The following MAN1A2 variants were observed in gnomAD, a reference collection of about 807,000 sequenced individuals.
MAN1A2 encodes the protein mannosidase alpha class 1A member 2.
MAN1A2 carries 26 observed loss-of-function variants against 75.7 expected under a neutral mutation model. The ratio of observed to expected loss-of-function variants is 0.34; its 90% CI spans 0.25 to 0.48. MAN1A2 has a LOEUF of 0.48. MAN1A2 is among the 20% of genes least tolerant of loss of function. MAN1A2 has a pLI of 0.99. For missense variants in MAN1A2, 562 were observed against 775.5 expected, an observed-to-expected ratio of 0.72 and a Z score of 3.27; for synonymous variants, 247 against 264.6, an observed-to-expected ratio of 0.93 and a Z score of 0.65.
At chr1:117,483,916 C>A (rs34368125) in intron 8 of MAN1A2, among the ~76,000 whole-genome samples, 29,461 of 151,812 alleles carry the variant, frequency 0.19, 3,653 homozygotes, top group East Asian at 0.4. Flanking sequence ...TCCATCAATA[C>A]CTAGTTTATC....
At chr1:117,466,661 CTAAAA>C (rs1649992352) in intron 8 of MAN1A2, among the ~76,000 whole-genome samples, 1 of 151,962 alleles carries the variant, frequency 6.6e-6, no homozygotes, top group African/African-American at 2.4e-5. Context: ...TCCTGTATTG[CTAAAA>C]TATAGTGTGG....
chr1:117,435,013 G>C (rs1648804672), intron 5 of MAN1A2, among the ~76,000 whole-genome samples: 1 of 151,972 alleles, frequency 6.6e-6, no homozygotes, highest in Non-Finnish European at 1.5e-5. Context: ...TGGTACGATA[G>C]TTATTAAATA....
At chr1:117,488,187 C>G (rs963860906) in intron 8 of MAN1A2, among the ~76,000 whole-genome samples, 2 of 150,480 alleles carry the variant, frequency 1.3e-5, no homozygotes, top group African/African-American at 4.9e-5. Flanking sequence ...TAAAGAATAT[C>G]ATTAATCTTA....
intron 7 of MAN1A2, among the ~76,000 whole-genome samples, chr1:117,463,997 A>AT (rs894360363): frequency 3.3e-5 from 5 of 152,210 alleles, no homozygotes; most frequent in African/African-American, 1.2e-4. Context: ...GATTTGTAAA[A>AT]TAAACATAAT....
chr1:117,374,054 G>A (rs1653061743), intron 1 of MAN1A2, among the ~76,000 whole-genome samples: 1 of 152,120 alleles, frequency 6.6e-6, no homozygotes, highest in Non-Finnish European at 1.5e-5. Flanking sequence ...TAACTTATGT[G>A]GGAGGTGGAG....
At chr1:117,517,334 A>G (rs1001001439) in intron 12 of MAN1A2, among the ~76,000 whole-genome samples, 1 of 152,206 alleles carries the variant, frequency 6.6e-6, no homozygotes, top group South Asian at 2.1e-4. Flanking sequence ...TAATTATGAA[A>G]ATAAAACCAA....
rs1184373466 is a variant in MAN1A2 at position 117,527,822 on chromosome 1, G to A, written c.*4865G>A. ...CTCTACAGCAAGAATATGATAGAAT[G>A]TCTGATCTTTGTGCTGCAGAAAGCA... is the stretch of plus-strand genomic sequence containing the variant. On this transcript the variant is annotated 3_prime_UTR_variant, in exon 13 of 13. Coordinates refer to ENST00000356554, the MANE Select transcript of MAN1A2 (RefSeq NM_006699.5). 1.3e-5 allele frequency: 2 copies of A among 152,028 alleles called. No individual in the cohort carries two copies. The highest frequency in any genetic ancestry group is 2.1e-4 in the South Asian group (1 of 4,824). 9.4% of individuals were successfully genotyped at this position (152,028 alleles called of 1,614,324 possible).
intron 8 of MAN1A2, among the ~76,000 whole-genome samples, chr1:117,467,894 AT>A (rs1216629950): frequency 1.3e-5 from 2 of 152,124 alleles, no homozygotes; most frequent in Non-Finnish European, 2.9e-5. Flanking sequence ...TGGTATTACT[AT>A]TTAAATGTAA....
Position 117,414,707 on chromosome 1 carries a change from A to T in MAN1A2, c.656-6A>T. The T allele has an allele frequency of 6.7e-7, 1 of 1,488,654 alleles. No homozygotes were observed. The allele number at this position is 1,488,654 out of a possible 1,614,324, so 92.2% of individuals were successfully genotyped here. ...TTAATGATAATTTTTTTCTTCCCAA[A>T]TATAGGAAGTTCACAAATGGGTGCT... On this transcript the variant is annotated splice_polypyrimidine_tract_variant and splice_region_variant and intron_variant, in intron 3 of 12. Transcript: ENST00000356554.
rs1025532334 is a variant in MAN1A2, at chr1:117,528,090, A to G, written c.*5133A>G. 1 of 152,020 alleles carries G rather than the reference A, an allele frequency of 6.6e-6. No homozygotes were observed. The highest frequency in any genetic ancestry group is 2.4e-5 in the African/African-American group (1 of 41,420). 9.4% of individuals were successfully genotyped at this position (152,020 alleles called of 1,614,324 possible). On this transcript the variant is annotated 3_prime_UTR_variant, in exon 13 of 13. Coordinates refer to ENST00000356554, the MANE Select transcript of MAN1A2 (RefSeq NM_006699.5). ...ATGTCTATATGCATCATTTTCAACT[A>G]AAGCATACCTCATCCTTAAACTTCC...
intron 8 of MAN1A2, among the ~76,000 whole-genome samples, chr1:117,469,123 A>C (rs1650062808): frequency 1.3e-5 from 2 of 152,040 alleles, no homozygotes; most frequent in South Asian, 2.1e-4. Flanking sequence ...CAGTGAACCG[A>C]GATTGTGCCA....
chr1:117,424,563 G>A (rs1295793223), intron 5 of MAN1A2, among the ~76,000 whole-genome samples: 1 of 152,162 alleles, frequency 6.6e-6, no homozygotes, highest in African/African-American at 2.4e-5. Context: ...GACTTGGGAA[G>A]GAGTGCTTTT....
chr1:117,391,565 T>C (rs572905875), intron 1 of MAN1A2, among the ~76,000 whole-genome samples: 2 of 152,352 alleles, frequency 1.3e-5, no homozygotes, highest in East Asian at 3.9e-4. Context: ...AAGTTACTGT[T>C]AGATTTAATA....
chr1:117,426,484 T>G (rs1648377840), intron 5 of MAN1A2, among the ~76,000 whole-genome samples: 1 of 152,150 alleles, frequency 6.6e-6, no homozygotes, highest in African/African-American at 2.4e-5. Context: ...CATTGCAAAT[T>G]GAAAACATCC....
chr1:117,394,210 T>C (rs1395487005), intron 1 of MAN1A2, among the ~76,000 whole-genome samples: 2 of 151,864 alleles, frequency 1.3e-5, no homozygotes, highest in Non-Finnish European at 2.9e-5. Flanking sequence ...GCCTCCTGAG[T>C]AGCTGGGACT....
intron 1 of MAN1A2, among the ~76,000 whole-genome samples, chr1:117,387,216 TAAA>T (rs565416366): frequency 1.3e-4 from 16 of 125,532 alleles, no homozygotes; most frequent in Non-Finnish European, 1.8e-4. Context: ...ATGGCTGTTG[TAAA>T]AAAAAAAAAA....
At chr1:117,372,812 G>T (rs1381596250) in intron 1 of MAN1A2, among the ~76,000 whole-genome samples, 2 of 147,534 alleles carry the variant, frequency 1.4e-5, no homozygotes, top group Non-Finnish European at 3.0e-5. Context: ...GGCTTTGTGA[G>T]TTAAAAAAAA....
At chr1:117,458,814 G>A (rs193097057) in intron 6 of MAN1A2, among the ~76,000 whole-genome samples, 88 of 151,900 alleles carry the variant, frequency 5.8e-4, no homozygotes, top group African/African-American at 1.9e-3. Context: ...GTGAGCCACC[G>A]CGCCTGGCAA....
chr1:117,425,573 C>A (rs1648337820), intron 5 of MAN1A2, among the ~76,000 whole-genome samples: 1 of 152,156 alleles, frequency 6.6e-6, no homozygotes, highest in African/African-American at 2.4e-5. Flanking sequence ...ATATAATTCA[C>A]TATGTCAACA....
Sources: gnomAD v4.1 joint callset for allele counts (sites outside exome capture counted in the v4.1 genomes callset) on GRCh38, gnomAD v4.1.1 for gene constraint, MANE v1.5 for transcripts, NCBI Gene and HGNC (gene_info 2026-07-23, HGNC 2026-07-21) for gene names.